ITPR2: variants seen among roughly 807,000 people sequenced by gnomAD.
The protein encoded by ITPR2 is inositol 1,4,5-trisphosphate receptor type 2, also known as inositol 1,4,5-trisphosphate-gated calcium channel ITPR2.
ITPR2 carries 207 observed loss-of-function variants against 317.1 expected under a neutral mutation model. The ratio of observed to expected loss-of-function variants is 0.65; its 90% confidence interval spans 0.58 to 0.73. ITPR2 has a LOEUF of 0.73. Among genes scored for constraint, ITPR2 ranks in the 30% least tolerant of loss-of-function variants. The pLI is 0.00. For missense variants in ITPR2, 2,613 were observed against 3,284.0 expected (o/e 0.80, Z 4.99); for synonymous variants, 1,156 against 1,149.1 (o/e 1.01, Z -0.12).
chr12:26,391,335 A>G (rs1939827605), intron 54 of ITPR2, among the ~76,000 whole-genome samples: 1 of 152,084 alleles, frequency 6.6e-6, no homozygotes, highest in African/African-American at 2.4e-5. Flanking sequence ...TCTAAAGCCC[A>G]TGTTCTTTTG....
At chr12:26,397,899 AG>A (rs1220856027) in intron 54 of ITPR2, among the ~76,000 whole-genome samples, 1 of 152,128 alleles carries the variant, frequency 6.6e-6, no homozygotes, top group Non-Finnish European at 1.5e-5. Flanking sequence ...GATAGATTCT[AG>A]GGTGCCGAGA....
At chr12:26,437,607 T>C (rs1050561837) in intron 47 of ITPR2, among the ~76,000 whole-genome samples, 1 of 152,250 alleles carries the variant, frequency 6.6e-6, no homozygotes, top group African/African-American at 2.4e-5. Flanking sequence ...TGAATTAGAC[T>C]CTGCCTATAG....
chr12:26,487,239 G>C lies in ITPR2; in HGVS notation c.5383C>G (p.Gln1795Glu). The C allele has an allele frequency of 6.3e-7, 1 of 1,597,160 alleles. No homozygotes were observed. Among genetic ancestry groups the C allele is most frequent in the Non-Finnish European group, 8.5e-7 (1 of 1,174,568 alleles). ...GNTQTQYSFY[Q>E]QLHEQKKSEK... ...GACTTTTTTTGTTCATGCAACTGCTGGTAGAAAGAATACTGCAAGAAAACA... is the reference window on the plus strand; with the variant it reads ...GACTTTTTTTGTTCATGCAACTGCTCGTAGAAAGAATACTGCAAGAAAACA... The change falls in exon 40 of 57, where the codon CAG becomes GAG. Residue 1795 changes from glutamine to glutamate, a missense_variant. Gln to Glu is a conservative substitution (Grantham distance 29, BLOSUM62 2). Around this residue, in one of 9 missense-constraint regions of ITPR2, gnomAD observed 926 missense variants for 1,072.8 expected, o/e 0.86. Coordinates refer to ENST00000381340, the MANE Select transcript of ITPR2 (RefSeq NM_002223.4).
intron 1 of ITPR2, among the ~76,000 whole-genome samples, chr12:26,814,983 C>T (rs1950825368): frequency 1.3e-5 from 2 of 152,176 alleles, no homozygotes; most frequent in South Asian, 4.1e-4. Context: ...ATTATCCAAA[C>T]TAGATAAGTG....
At chr12:26,360,542 C>A (rs527677288) in intron 55 of ITPR2, among the ~76,000 whole-genome samples, 1 of 152,288 alleles carries the variant, frequency 6.6e-6, no homozygotes, top group South Asian at 2.1e-4. Context: ...TTTGTGGCTT[C>A]CACATACTGC....
rs200966456 is a variant in ITPR2, at chr12:26,439,241, T to G, written c.6529A>C (p.Lys2177Gln). 356 of 1,613,172 alleles carry G rather than the reference T, an allele frequency of 2.2e-4. No individual in the cohort carries two copies. Among genetic ancestry groups the G allele is most frequent in the Non-Finnish European group, 2.8e-4 (327 of 1,179,432 alleles). ...TCAGTTGTATTGAACACACGGCACT[T>G]GGATTCTCGAGTGAGGTATTCACAT... The part of the protein sequence containing the change: ...NICEYLTRES[K>Q]CRVFNTTERD... Residue 2177 changes from lysine to glutamine, a missense_variant, in exon 47 of 57, where the codon AAG becomes CAG. By Grantham distance (53) the Lys-to-Gln change is moderately conservative. Transcript: ENST00000381340.
In ITPR2 at chr12:26,596,791, T is replaced by C. The variant is rs531198846; in HGVS notation, c.4254+92A>G. On this transcript the variant is annotated intron_variant, in intron 31 of 56. Transcript: ENST00000381340. ...CCTGACTAAATATATGATCTCATTA[T>C]AAATATTAGTATGGGGGACTTCTGG... 3.9e-6 allele frequency: 4 copies of C among 1,032,528 alleles called. No homozygotes were observed. In the South Asian group the frequency reaches 8.4e-5, roughly 22 times the overall value. 64.0% of individuals were successfully genotyped at this position (1,032,528 alleles called of 1,614,324 possible).
At chr12:26,437,667 T>C (rs779856953) in intron 47 of ITPR2, among the ~76,000 whole-genome samples, 12 of 118,246 alleles carry the variant, frequency 1.0e-4, no homozygotes, top group Non-Finnish European at 2.4e-4. Flanking sequence ...ACATTGAAAA[T>C]TATTTTAAGA....
intron 45 of ITPR2, among the ~76,000 whole-genome samples, chr12:26,450,085 T>C (rs1224074602): frequency 6.6e-6 from 1 of 152,028 alleles, no homozygotes; most frequent in Non-Finnish European, 1.5e-5. Flanking sequence ...TAAGCCAACA[T>C]ATGCCAAGAA....
At chr12:26,414,086 C>A (rs1021063084) in intron 51 of ITPR2, among the ~76,000 whole-genome samples, 1 of 150,118 alleles carries the variant, frequency 6.7e-6, no homozygotes, top group Admixed American at 6.7e-5. Context: ...CACACACACA[C>A]AAACACAAGT....
rs149397199 is a variant in ITPR2 at position 26,439,006 on chromosome 12, A to C, written c.6643+121T>G. 1,564 of 648,794 alleles carry C rather than the reference A, an allele frequency of 2.4e-3. 7 individuals carry two copies. The highest frequency in any genetic ancestry group is 0.017 in the African/African-American group (902 of 54,236). The allele number at this position is 648,794 out of a possible 1,614,324, so 40.2% of individuals were successfully genotyped here. On this transcript the variant is annotated intron_variant, in intron 47 of 56. Coordinates refer to ENST00000381340, the MANE Select transcript of ITPR2 (RefSeq NM_002223.4). Reference sequence around the variant, plus strand: ...CACTCTTAAGACTGCAAGTGATTTCAGTAATATCAGACCAGCAAGAAATTA... The same window carrying C: ...CACTCTTAAGACTGCAAGTGATTTCCGTAATATCAGACCAGCAAGAAATTA...
chr12:26,703,341 A>C (rs12228055), intron 9 of ITPR2, among the ~76,000 whole-genome samples: 9,428 of 152,302 alleles, frequency 0.062, 387 homozygotes, highest in South Asian at 0.13. Context: ...TTAGAGGACA[A>C]GGACCATGTG....
chr12:26,413,589 T>C (rs1274668729), intron 51 of ITPR2, among the ~76,000 whole-genome samples: 1 of 152,220 alleles, frequency 6.6e-6, no homozygotes. Context: ...GGGCATCATG[T>C]CATGTATAAT....
intron 1 of ITPR2, among the ~76,000 whole-genome samples, chr12:26,820,076 A>AAAAAAG (rs901616453): frequency 6.6e-6 from 1 of 152,174 alleles, no homozygotes; most frequent in African/African-American, 2.4e-5. Flanking sequence ...TCAGTCTCAA[A>AAAAAAG]AAAAAGAAAA....
At chr12:26,702,185 G>A (rs1015704983) in intron 9 of ITPR2, among the ~76,000 whole-genome samples, 1 of 152,052 alleles carries the variant, frequency 6.6e-6, no homozygotes, top group African/African-American at 2.4e-5. Flanking sequence ...GTGGACAGCT[G>A]TGTCAAAAAT....
chr12:26,442,742 T>C (rs958040845), intron 46 of ITPR2, among the ~76,000 whole-genome samples: 7 of 152,202 alleles, frequency 4.6e-5, no homozygotes, highest in African/African-American at 9.6e-5. Context: ...GGTTTGACAA[T>C]AGTAAACAAT....
At position 26,538,561 on chromosome 12, in the gene ITPR2, T is replaced by TTTTTTTTC. The variant is rs569666607; in HGVS notation, c.5073+11678_5073+11685dup. Among the ~76,000 whole-genome samples, 4 of 152,032 alleles carry TTTTTTTTC rather than the reference T, an allele frequency of 2.6e-5. No individual in the cohort carries two copies. In the East Asian group the frequency reaches 7.7e-4, roughly 29 times the overall value. The stretch of plus-strand genomic sequence containing the variant: ...CTCTGCCATTTACAAAGCCTGTGAT[T>TTTTTTTTC]TTTTTTTCTTTTTTTCTTTTTTTCT... On this transcript the variant is annotated intron_variant, in intron 37 of 56. Coordinates refer to ENST00000381340, the MANE Select transcript of ITPR2 (RefSeq NM_002223.4).
At chr12:26,414,921 T>C (rs1940671410) in intron 51 of ITPR2, among the ~76,000 whole-genome samples, 1 of 152,148 alleles carries the variant, frequency 6.6e-6, no homozygotes, top group African/African-American at 2.4e-5. Flanking sequence ...ATCAAACATG[T>C]ATGGAATAAT....
At chr12:26,478,523 T>C (rs1565549284) in intron 43 of ITPR2, among the ~76,000 whole-genome samples, 1 of 152,114 alleles carries the variant, frequency 6.6e-6, no homozygotes, top group Non-Finnish European at 1.5e-5. Flanking sequence ...GCCCAATACA[T>C]GATAGCTTAA....
Sources: gnomAD v4.1 joint callset for allele counts (sites outside exome capture counted in the v4.1 genomes callset) on GRCh38, gnomAD v4.1.1 for gene constraint, gnomAD v4.1.1 regional missense constraint, MANE v1.5 for transcripts, NCBI Gene and HGNC (gene_info 2026-07-23, HGNC 2026-07-21) for gene names.